SRBD1: variants seen among roughly 807,000 people sequenced by gnomAD.
SRBD1 encodes S1 RNA binding domain 1, also known as S1 RNA-binding domain-containing protein 1.
In SRBD1, 88 loss-of-function variants were observed where a neutral mutation model predicts 115.3. That is an observed-to-expected ratio of 0.76 (90% CI 0.64 to 0.91). The LOEUF is 0.91. SRBD1 is among the 40% of genes least tolerant of loss of function. SRBD1 has a pLI of 0.00. For synonymous variants in SRBD1, 509 were observed against 407.7 expected, an observed-to-expected ratio of 1.25 and a Z score of -2.99; for missense variants, 1,385 against 1,177.4, an observed-to-expected ratio of 1.18 and a Z score of -2.58.
At chr2:45,547,664 C>T (rs780202062) in intron 12 of SRBD1, 52 bp from the exon 13 acceptor site, 17 of 1,462,982 alleles carry the variant, frequency 1.2e-5, no homozygotes, top group Non-Finnish European at 2.8e-6. Context: ...CAAAGTGAAA[C>T]ACATGAATGA....
chr2:45,558,586 T>G (rs920092233), intron 10 of SRBD1, among the ~76,000 whole-genome samples: 2 of 152,250 alleles, frequency 1.3e-5, no homozygotes. Flanking sequence ...ATGACAAGAC[T>G]GCCATTTAAA....
intron 14 of SRBD1, among the ~76,000 whole-genome samples, chr2:45,543,977 T>C (rs1672027609): frequency 6.6e-6 from 1 of 152,066 alleles, no homozygotes; most frequent in Non-Finnish European, 1.5e-5. Context: ...GGGGCTCTTC[T>C]GAAAGAAAAT....
intron 2 of SRBD1, among the ~76,000 whole-genome samples, chr2:45,603,102 A>T (rs996729378): frequency 2.0e-5 from 3 of 152,192 alleles, no homozygotes; most frequent in African/African-American, 7.2e-5. Flanking sequence ...TCATACTATC[A>T]TCAAACTGAG....
intron 16 of SRBD1, among the ~76,000 whole-genome samples, chr2:45,434,943 C>T (rs1226789139): frequency 1.3e-5 from 2 of 151,970 alleles, no homozygotes; most frequent in South Asian, 4.2e-4. Context: ...ACGACAGGCC[C>T]CGGTGTGTGA....
chr2:45,480,567 A>T (rs1443482619), intron 15 of SRBD1, among the ~76,000 whole-genome samples: 1 of 152,210 alleles, frequency 6.6e-6, no homozygotes, highest in Non-Finnish European at 1.5e-5. Flanking sequence ...TCTCATGATC[A>T]AACTTGACAT....
chr2:45,603,013 C>T (rs1674148130), intron 2 of SRBD1, among the ~76,000 whole-genome samples: 1 of 152,106 alleles, frequency 6.6e-6, no homozygotes, highest in Non-Finnish European at 1.5e-5. Context: ...CAGGAATAAT[C>T]AGAATAACAT....
intron 14 of SRBD1, among the ~76,000 whole-genome samples, chr2:45,492,259 C>G (rs1015373135): frequency 6.6e-6 from 1 of 152,188 alleles, no homozygotes; most frequent in African/African-American, 2.4e-5. Context: ...GTTTACAAGT[C>G]TTTTCTACCA....
At chr2:45,406,751 A>G (rs1029583750) in intron 19 of SRBD1, among the ~76,000 whole-genome samples, 9 of 152,200 alleles carry the variant, frequency 5.9e-5, no homozygotes, top group African/African-American at 2.2e-4. Flanking sequence ...ATACCCCTTA[A>G]TAAAATAAAT....
In SRBD1 at chr2:45,569,904, C is replaced by T. The variant is rs182203230; in HGVS notation, c.1305+3303G>A. On this transcript the variant is annotated intron_variant, in intron 9 of 20. Transcript: ENST00000263736. The stretch of plus-strand genomic sequence containing the variant: ...CAAGCTATCCTTCAAGTGTTAAGGC[C>T]ATAGAAAACAATTTTGAATGTGTAA... 2.0e-5 allele frequency among the ~76,000 whole-genome samples: 3 copies of T among 152,216 alleles called. No homozygotes were observed. The East Asian group carries it at 5.8e-4, about 29-fold the overall frequency.
chr2:45,581,360 G>A (rs578234965), intron 6 of SRBD1, among the ~76,000 whole-genome samples: 80 of 152,178 alleles, frequency 5.3e-4, no homozygotes, highest in African/African-American at 1.7e-3. Context: ...ATGGTTTCAC[G>A]TACCAACTAC....
intron 16 of SRBD1, among the ~76,000 whole-genome samples, chr2:45,441,649 T>C (rs1419478485): frequency 6.6e-6 from 1 of 152,200 alleles, no homozygotes; most frequent in African/African-American, 2.4e-5. Context: ...GACAAATTTC[T>C]AACAGTTCGG....
rs1672707098 is a variant in SRBD1 at position 45,562,676 on chromosome 2, G to A, written c.1386C>T (p.Phe462=). The A allele has an allele frequency of 6.2e-7, 1 of 1,609,814 alleles. No individual in the cohort carries two copies. ...ACCTGTTTTGGATGCACCACCTACA[G>A]AATTCATCCTTCACTCCATCAGAAA... is the stretch of plus-strand genomic sequence containing the variant. ...VNISDGVKDE[F]CRWCIQNRWR... Residue 462 remains phenylalanine (F), a synonymous_variant, in exon 10 of 21, where the codon TTC becomes TTT. Coordinates refer to ENST00000263736, the MANE Select transcript of SRBD1 (RefSeq NM_018079.5).
At chr2:45,430,242 C>T (rs369900264) in intron 16 of SRBD1, among the ~76,000 whole-genome samples, 1 of 152,064 alleles carries the variant, frequency 6.6e-6, no homozygotes, top group East Asian at 1.9e-4. Context: ...TCAATGCTAT[C>T]CCCCCCATCA....
intron 9 of SRBD1, among the ~76,000 whole-genome samples, chr2:45,567,419 G>A (rs1672865447): frequency 6.6e-6 from 1 of 152,020 alleles, no homozygotes; most frequent in Non-Finnish European, 1.5e-5. Context: ...AGATGAGCCT[G>A]GGCAACATGG....
At chr2:45,518,712 G>T (rs1671193008) in intron 14 of SRBD1, among the ~76,000 whole-genome samples, 1 of 152,138 alleles carries the variant, frequency 6.6e-6, no homozygotes, top group Non-Finnish European at 1.5e-5. Flanking sequence ...AAAAAGCACA[G>T]ATCATAAAAT....
chr2:45,522,769 A>T (rs1405313990), intron 14 of SRBD1, among the ~76,000 whole-genome samples: 1 of 152,144 alleles, frequency 6.6e-6, no homozygotes, highest in East Asian at 1.9e-4. Flanking sequence ...TCTTTCTTAC[A>T]ATTTTCTTAA....
chr2:45,391,352 A>G (rs1666993357), intron 20 of SRBD1, among the ~76,000 whole-genome samples: 1 of 152,226 alleles, frequency 6.6e-6, no homozygotes, highest in Admixed American at 6.5e-5. Context: ...CATGAAATTA[A>G]TTACACCATT....
At chr2:45,428,706 G>A (rs1272309707) in intron 16 of SRBD1, among the ~76,000 whole-genome samples, 1 of 152,068 alleles carries the variant, frequency 6.6e-6, no homozygotes, top group Non-Finnish European at 1.5e-5. Flanking sequence ...GCCCACAGGG[G>A]AAAGTGGGAA....
At chr2:45,592,115 T>G (rs71422161) in intron 4 of SRBD1, among the ~76,000 whole-genome samples, 4,027 of 152,262 alleles carry the variant, frequency 0.026, 138 homozygotes, top group Admixed American at 0.089. Flanking sequence ...TCTTCCTCAT[T>G]TTCTCTTGCT....
Sources: gnomAD v4.1 joint callset for allele counts (sites outside exome capture counted in the v4.1 genomes callset) on GRCh38, gnomAD v4.1.1 for gene constraint, MANE v1.5 for transcripts, NCBI Gene and HGNC (gene_info 2026-07-23, HGNC 2026-07-21) for gene names.